The following PSD3 variants were observed in gnomAD, a reference collection of about 807,000 sequenced individuals.
PSD3 encodes PH and SEC7 domain-containing protein 3.
A neutral mutation model predicts 105.5 loss-of-function variants in PSD3; 49 were observed. That is an observed-to-expected ratio of 0.46 (90% CI 0.37 to 0.59). The LOEUF is 0.59. Among genes scored for constraint, PSD3 ranks in the 20% least tolerant of loss-of-function variants. The pLI is 0.00. For missense variants in PSD3, 1,561 were observed against 1,263.8 expected (o/e 1.24, Z -3.57); for synonymous variants, 557 against 457.8 (o/e 1.22, Z -2.77).
At chr8:18,559,783 A>C (rs1801286552) in intron 14 of PSD3, among the ~76,000 whole-genome samples, 1 of 152,192 alleles carries the variant, frequency 6.6e-6, no homozygotes, top group Admixed American at 6.5e-5. Context: ...TGAGGAATAC[A>C]GGCTAGAATG....
intron 1 of PSD3, among the ~76,000 whole-genome samples, chr8:19,054,256 C>A (rs1435999232): frequency 6.6e-6 from 1 of 152,210 alleles, no homozygotes; most frequent in South Asian, 2.1e-4. Flanking sequence ...CAGAAACACA[C>A]ATTTTGGACT....
chr8:18,677,255 A>C (rs1800110421), intron 9 of PSD3, among the ~76,000 whole-genome samples: 1 of 152,182 alleles, frequency 6.6e-6, no homozygotes, highest in Non-Finnish European at 1.5e-5. Flanking sequence ...AGTAACAAAA[A>C]CCATTGTCAC....
intron 1 of PSD3, among the ~76,000 whole-genome samples, chr8:18,966,935 G>T (rs59857327): frequency 0.4 from 60,799 of 152,014 alleles, 12,409 homozygotes; most frequent in Non-Finnish European, 0.44. Context: ...AGAAGGGATG[G>T]TAGGTGCACT....
chr8:18,570,625 A>G (rs1008016006), intron 14 of PSD3, among the ~76,000 whole-genome samples: 39 of 146,706 alleles, frequency 2.7e-4, no homozygotes, highest in Admixed American at 2.3e-3. Flanking sequence ...CAAATTTACA[A>G]GAAAAAAACA....
chr8:18,573,585 C>CAGT (rs763940631), intron 13 of PSD3, among the ~76,000 whole-genome samples: 69 of 152,170 alleles, frequency 4.5e-4, no homozygotes, highest in Non-Finnish European at 6.0e-4. Context: ...AAACAAAATG[C>CAGT]AGTAAATGCA....
intron 1 of PSD3, among the ~76,000 whole-genome samples, chr8:19,023,569 CTACAGACATGCAT>C (rs151141949): frequency 0.096 from 14,521 of 151,956 alleles, 877 homozygotes; most frequent in Non-Finnish European, 0.14. Flanking sequence ...TAGCTGGAGA[CTACAGACATGCAT>C]TACCGCACCC....
chr8:18,834,768 A>G (rs1813966237), intron 4 of PSD3, among the ~76,000 whole-genome samples: 1 of 152,214 alleles, frequency 6.6e-6, no homozygotes. Context: ...GGCAGAGAGA[A>G]GCAGACCCTT....
chr8:18,818,623 T>C (rs560777792), intron 4 of PSD3, among the ~76,000 whole-genome samples: 2 of 151,982 alleles, frequency 1.3e-5, no homozygotes, highest in Admixed American at 1.3e-4. Context: ...GCTCTGCAAA[T>C]AAACTGAGAA....
intron 1 of PSD3, among the ~76,000 whole-genome samples, chr8:19,041,510 G>A (rs555553557): frequency 6.6e-6 from 1 of 152,308 alleles, no homozygotes; most frequent in East Asian, 1.9e-4. Flanking sequence ...ACCATGCTTC[G>A]TTTAAGTAAA....
intron 9 of PSD3, among the ~76,000 whole-genome samples, chr8:18,758,128 T>C (rs1350845438): frequency 6.6e-6 from 1 of 152,194 alleles, no homozygotes; most frequent in African/African-American, 2.4e-5. Context: ...AAAACTATAG[T>C]ATGATAGCAC....
chr8:18,621,343 G>C (rs866450903), intron 11 of PSD3, among the ~76,000 whole-genome samples: 2 of 152,190 alleles, frequency 1.3e-5, no homozygotes, highest in Non-Finnish European at 2.9e-5. Context: ...GGGAGACAGA[G>C]GTTGCAGTGA....
chr8:19,047,445 G>C (rs1506893), intron 1 of PSD3, among the ~76,000 whole-genome samples: 1 of 152,116 alleles, frequency 6.6e-6, no homozygotes, highest in Non-Finnish European at 1.5e-5. Context: ...TCATGCCCTA[G>C]GATAAATGTC....
chr8:18,918,074 T>A (rs1820739091), intron 2 of PSD3, among the ~76,000 whole-genome samples: 1 of 152,198 alleles, frequency 6.6e-6, no homozygotes, highest in African/African-American at 2.4e-5. Context: ...ATCAATCCAT[T>A]ATTTTTTTAA....
At chr8:18,816,774 A>G (rs1812254606) in intron 4 of PSD3, among the ~76,000 whole-genome samples, 1 of 152,192 alleles carries the variant, frequency 6.6e-6, no homozygotes, top group South Asian at 2.1e-4. Flanking sequence ...GTTACGACTC[A>G]CACACTGTTC....
intron 14 of PSD3, among the ~76,000 whole-genome samples, chr8:18,559,179 C>A (rs1281185506): frequency 2.6e-5 from 4 of 152,078 alleles, no homozygotes; most frequent in Non-Finnish European, 5.9e-5. Context: ...TTAGAATATG[C>A]GCATCTTTAA....
intron 11 of PSD3, among the ~76,000 whole-genome samples, chr8:18,604,054 T>C (rs989622225): frequency 6.6e-6 from 1 of 152,198 alleles, no homozygotes; most frequent in Non-Finnish European, 1.5e-5. Flanking sequence ...CTTATAAAGA[T>C]ACCTGAAAAT....
At chr8:18,569,143 T>C (rs1801983019) in intron 14 of PSD3, among the ~76,000 whole-genome samples, 1 of 130,788 alleles carries the variant, frequency 7.6e-6, no homozygotes, top group African/African-American at 2.8e-5. Context: ...TCTTTGCTAT[T>C]GTGAATAATG....
chr8:18,859,298 C>G (rs1407022552), intron 4 of PSD3, among the ~76,000 whole-genome samples: 2 of 146,784 alleles, frequency 1.4e-5, no homozygotes, highest in Non-Finnish European at 3.0e-5. Context: ...ATCATGCTGT[C>G]AGCAGATGTG....
chr8:19,055,618 T>G (rs974434206), intron 1 of PSD3, among the ~76,000 whole-genome samples: 3 of 152,106 alleles, frequency 2.0e-5, no homozygotes, highest in African/African-American at 7.2e-5. Context: ...TAAGCTATGG[T>G]TTTTAAGGTC....
Sources: allele counts gnomAD v4.1 joint callset (sites outside exome capture counted in the v4.1 genomes callset), GRCh38; gene constraint gnomAD v4.1.1; transcripts MANE v1.5; gene names NCBI Gene and HGNC (gene_info 2026-07-23, HGNC 2026-07-21).